PTPRD: variants seen among roughly 807,000 people sequenced by gnomAD.
The protein encoded by PTPRD is protein tyrosine phosphatase receptor type D.
PTPRD carries 34 observed loss-of-function variants against 214.5 expected under a neutral mutation model. The observed-to-expected ratio is 0.16, with a 90% CI of 0.12 to 0.21. PTPRD has a LOEUF of 0.21. PTPRD is among the 10% of genes least tolerant of loss of function. PTPRD has a pLI of 1.00. For missense variants in PTPRD, 2,545 were observed against 2,398.7 expected (o/e 1.06, Z -1.27); for synonymous variants, 1,128 against 845.7 (o/e 1.33, Z -5.79).
At chr9:9,505,613 G>T (rs1478244982) in intron 8 of PTPRD, among the ~76,000 whole-genome samples, 1 of 151,354 alleles carries the variant, frequency 6.6e-6, no homozygotes, top group Non-Finnish European at 1.5e-5. Flanking sequence ...CAAGTCAATG[G>T]CCATACTGCA....
intron 12 of PTPRD, among the ~76,000 whole-genome samples, chr9:8,696,206 G>A (rs1459093020): frequency 6.6e-6 from 1 of 152,152 alleles, no homozygotes; most frequent in East Asian, 1.9e-4. Flanking sequence ...GACACGGGAT[G>A]GGAAACCAAG....
intron 8 of PTPRD, among the ~76,000 whole-genome samples, chr9:9,571,701 T>C (rs900820301): frequency 6.6e-6 from 1 of 151,042 alleles, no homozygotes; most frequent in African/African-American, 2.4e-5. Context: ...ATGAAACTTA[T>C]AATGGGCAAT....
chr9:9,068,594 GCAACTGATGTTTTACAAAAAATTT>G (rs2099738866), intron 10 of PTPRD, among the ~76,000 whole-genome samples: 1 of 151,822 alleles, frequency 6.6e-6, no homozygotes, highest in Admixed American at 6.6e-5. Context: ...TCTTTATCTT[GCAACTGATGTTTTACAAAAAATTT>G]TCTTTTTTCT....
chr9:9,767,480 T>C (rs2098716298), intron 5 of PTPRD, among the ~76,000 whole-genome samples: 1 of 152,076 alleles, frequency 6.6e-6, no homozygotes, highest in Non-Finnish European at 1.5e-5. Context: ...ATTTCTATTA[T>C]TTCTAGCTTA....
intron 11 of PTPRD, among the ~76,000 whole-genome samples, chr9:8,958,212 C>T (rs184832282): frequency 7.2e-5 from 11 of 151,964 alleles, no homozygotes; most frequent in African/African-American, 2.2e-4. Context: ...TATCTGGAGA[C>T]TCATGATGCC....
rs989281969 is a variant in PTPRD at position 10,248,531 on chromosome 9, A to AT, written c.-545+92431_-545+92432insA. Among the ~76,000 whole-genome samples, 10 of 145,230 alleles carry AT rather than the reference A, an allele frequency of 6.9e-5. 2 individuals are homozygous for AT. Among genetic ancestry groups the AT allele is most frequent in the Admixed American group, 5.5e-4 (8 of 14,538 alleles). On this transcript the variant is annotated intron_variant, in intron 3 of 45. Transcript: ENST00000381196. Reference sequence around the variant, plus strand: ...TATAGCAAAAAAAAAAAAAAATAAAAAAAATAAAGCGAGAAACCAAAATGA... The same window carrying AT: ...TATAGCAAAAAAAAAAAAAAATAAAATAAAATAAAGCGAGAAACCAAAATGA...
intron 7 of PTPRD, among the ~76,000 whole-genome samples, chr9:9,693,095 T>C (rs1595385913): frequency 6.6e-6 from 1 of 152,124 alleles, no homozygotes; most frequent in East Asian, 1.9e-4. Context: ...TCCTTTCCAA[T>C]TTGGATGCCC....
chr9:9,529,024 T>C (rs61221021), intron 8 of PTPRD, among the ~76,000 whole-genome samples: 10,816 of 150,786 alleles, frequency 0.072, 880 homozygotes, highest in African/African-American at 0.2. Flanking sequence ...CTGCAACCTC[T>C]GCCTCCTGGG....
chr9:9,516,492 A>G (rs1186979431), intron 8 of PTPRD, among the ~76,000 whole-genome samples: 2 of 150,698 alleles, frequency 1.3e-5, no homozygotes. Flanking sequence ...ACTTGTTTCA[A>G]AAAATAAAAT....
At chr9:9,056,868 T>C (rs567423102) in intron 10 of PTPRD, among the ~76,000 whole-genome samples, 9 of 152,326 alleles carry the variant, frequency 5.9e-5, no homozygotes, top group African/African-American at 2.2e-4. Flanking sequence ...ATATTAGGGA[T>C]AGAAAAAAGA....
chr9:10,361,975 T>A (rs574160795), intron 2 of PTPRD, among the ~76,000 whole-genome samples: 1 of 152,242 alleles, frequency 6.6e-6, no homozygotes, highest in East Asian at 1.9e-4. Context: ...ATGAAGGAAA[T>A]GTATCATGGT....
At chr9:8,928,454 C>A (rs1040026054) in intron 11 of PTPRD, among the ~76,000 whole-genome samples, 1 of 152,034 alleles carries the variant, frequency 6.6e-6, no homozygotes, top group Non-Finnish European at 1.5e-5. Flanking sequence ...ATTTATTAAA[C>A]AGGGAATCCT....
At chr9:9,879,905 T>C (rs565588234) in intron 5 of PTPRD, among the ~76,000 whole-genome samples, 2 of 152,196 alleles carry the variant, frequency 1.3e-5, no homozygotes, top group Non-Finnish European at 2.9e-5. Flanking sequence ...GCCAAGAAAA[T>C]TATATTGGAA....
At chr9:10,395,535 G>A (rs1383252736) in intron 2 of PTPRD, among the ~76,000 whole-genome samples, 1 of 151,834 alleles carries the variant, frequency 6.6e-6, no homozygotes, top group African/African-American at 2.4e-5. Context: ...CATTGTGTCA[G>A]GTTTTAGGCA....
intron 8 of PTPRD, among the ~76,000 whole-genome samples, chr9:9,546,526 A>T (rs963176361): frequency 2.6e-5 from 4 of 151,654 alleles, no homozygotes; most frequent in African/African-American, 9.7e-5. Context: ...TATTTATCTT[A>T]ATTTTCAGTT....
At chr9:9,901,910 C>G (rs540067630) in intron 5 of PTPRD, among the ~76,000 whole-genome samples, 1 of 152,138 alleles carries the variant, frequency 6.6e-6, no homozygotes, top group African/African-American at 2.4e-5. Context: ...AGAACTCGCT[C>G]ACCATCATGA....
At chr9:9,480,271 G>T (rs1326188965) in intron 8 of PTPRD, among the ~76,000 whole-genome samples, 1 of 152,150 alleles carries the variant, frequency 6.6e-6, no homozygotes, top group African/African-American at 2.4e-5. Flanking sequence ...GACATTAAAA[G>T]AAATACATTT....
At position 8,518,131 on chromosome 9, in the gene PTPRD, G is replaced by A. The variant is rs911650043; in HGVS notation, c.1260C>T (p.Ala420=). The change falls in exon 21 of 46, where the codon GCC becomes GCT. Residue 420 remains alanine (A), a synonymous_variant. Transcript: ENST00000381196. ...ACATTCGTGCCTGGACATCCCTCGG[G>A]GCACTGGATGGTGCTTGCTCTGAGG... ...TQTSEQAPSS[A]PRDVQARMLS... 2 of 1,614,132 alleles carry A rather than the reference G, an allele frequency of 1.2e-6. No homozygotes were observed. Among genetic ancestry groups the A allele is most frequent in the African/African-American group, 1.3e-5 (1 of 75,030 alleles).
At chr9:9,042,348 T>C (rs913016396) in intron 10 of PTPRD, among the ~76,000 whole-genome samples, 10 of 152,286 alleles carry the variant, frequency 6.6e-5, no homozygotes, top group African/African-American at 2.2e-4. Flanking sequence ...TCAACCACTA[T>C]GGCTGCAAGA....
Sources: allele counts gnomAD v4.1 joint callset (sites outside exome capture counted in the v4.1 genomes callset), GRCh38; gene constraint gnomAD v4.1.1; transcripts MANE v1.5; gene names NCBI Gene and HGNC (gene_info 2026-07-23, HGNC 2026-07-21).